The following MSRA variants were observed in gnomAD, a reference collection of about 807,000 sequenced individuals.
MSRA encodes the protein methionine sulfoxide reductase A, also known as mitochondrial peptide methionine sulfoxide reductase.
MSRA carries 54 observed loss-of-function variants against 31.3 expected under a neutral mutation model. The observed-to-expected ratio is 1.73, with a 90% CI of 1.39 to 2.17. The LOEUF (loss-of-function observed/expected upper bound fraction) is 2.17, where lower values mean the gene tolerates loss of function less well. Among genes scored for constraint, MSRA ranks in the 30% most tolerant of loss-of-function variants. The probability of loss-of-function intolerance (pLI) is 0.00; values close to 1 mark genes in which losing one functional copy is unlikely to be tolerated. For missense variants in MSRA, 507 were observed against 300.9 expected (o/e 1.69, Z -5.07); for synonymous variants, 169 against 116.5 (o/e 1.45, Z -2.90).
At chr8:10,150,370 A>G (rs978368376) in intron 1 of MSRA, among the ~76,000 whole-genome samples, 1 of 152,176 alleles carries the variant, frequency 6.6e-6, no homozygotes, top group Non-Finnish European at 1.5e-5. Flanking sequence ...TTCGATGATA[A>G]TTACCATAGT....
intron 3 of MSRA, among the ~76,000 whole-genome samples, chr8:10,291,795 GA>G (rs1320009976): frequency 2.6e-5 from 4 of 151,746 alleles, no homozygotes; most frequent in South Asian, 2.1e-4. Context: ...ATTATTTAAT[GA>G]AAAAAAATTA....
At chr8:10,071,179 GTTTTA>G (rs1221831709) in intron 1 of MSRA, among the ~76,000 whole-genome samples, 1 of 152,194 alleles carries the variant, frequency 6.6e-6, no homozygotes, top group Non-Finnish European at 1.5e-5. Context: ...TAGTGTCACT[GTTTTA>G]TTTTAGCCAT....
At chr8:10,298,896 T>C (rs535328634) in intron 3 of MSRA, among the ~76,000 whole-genome samples, 4 of 152,328 alleles carry the variant, frequency 2.6e-5, no homozygotes, top group African/African-American at 9.6e-5. Context: ...GTTGAAGTTA[T>C]ACCTTTGAGA....
At chr8:10,197,655 T>A (rs996972297) in intron 1 of MSRA, among the ~76,000 whole-genome samples, 1 of 152,126 alleles carries the variant, frequency 6.6e-6, no homozygotes, top group Non-Finnish European at 1.5e-5. Flanking sequence ...GGGGCAGATA[T>A]GGGTTCCCAG....
intron 3 of MSRA, among the ~76,000 whole-genome samples, chr8:10,297,447 A>G (rs750819823): frequency 5.3e-5 from 8 of 152,208 alleles, no homozygotes; most frequent in Admixed American, 6.5e-5. Context: ...TTATGTGAAG[A>G]CACGGCTTGA....
intron 3 of MSRA, among the ~76,000 whole-genome samples, chr8:10,261,393 A>T (rs1295886651): frequency 6.6e-6 from 1 of 151,332 alleles, no homozygotes; most frequent in African/African-American, 2.4e-5. Context: ...GTTACTTAAA[A>T]AAAAAAAAAA....
At chr8:10,285,650 C>T (rs1039266259) in intron 3 of MSRA, among the ~76,000 whole-genome samples, 1 of 151,828 alleles carries the variant, frequency 6.6e-6, no homozygotes, top group Admixed American at 6.6e-5. Flanking sequence ...ATCCCCTTCC[C>T]CCCACTCCTT....
At chr8:10,220,546 A>AT (rs1810398134) in intron 2 of MSRA, among the ~76,000 whole-genome samples, 2 of 152,090 alleles carry the variant, frequency 1.3e-5, no homozygotes, top group Non-Finnish European at 2.9e-5. Flanking sequence ...ATTTTATTTT[A>AT]TTTTTTTGCC....
Position 10,153,173 on chromosome 8 carries a change from A to C in MSRA, c.143-54660A>C, listed in dbSNP as rs1229603133. Reference sequence around the variant, plus strand: ...TTTAATATGAGGTGTCTTTCACCACAATTACAAAAGTGGAATGAGTGAAGC... The same window carrying C: ...TTTAATATGAGGTGTCTTTCACCACCATTACAAAAGTGGAATGAGTGAAGC... On this transcript the variant is annotated intron_variant, in intron 1 of 5. Transcript: ENST00000317173. 3.3e-5 allele frequency among the ~76,000 whole-genome samples: 5 copies of C among 152,228 alleles called. No individual in the cohort carries two copies. In the East Asian group the frequency reaches 9.6e-4, roughly 29 times the overall value.
intron 5 of MSRA, among the ~76,000 whole-genome samples, chr8:10,382,345 T>A (rs954511910): frequency 4.6e-5 from 7 of 152,174 alleles, no homozygotes; most frequent in Non-Finnish European, 7.4e-5. Context: ...GGAAAACCCC[T>A]AGCCATGATC....
At chr8:10,167,923 G>T (rs1038126753) in intron 1 of MSRA, among the ~76,000 whole-genome samples, 2 of 152,164 alleles carry the variant, frequency 1.3e-5, no homozygotes, top group Non-Finnish European at 2.9e-5. Flanking sequence ...TAAGAAAATG[G>T]ACCGCGGAAG....
chr8:10,373,609 T>C (rs1243739702), intron 5 of MSRA, among the ~76,000 whole-genome samples: 1 of 152,162 alleles, frequency 6.6e-6, no homozygotes, highest in Non-Finnish European at 1.5e-5. Context: ...GGGCAGGAAC[T>C]GGGCCTGGAA....
At chr8:10,136,205 C>T (rs928695259) in intron 1 of MSRA, among the ~76,000 whole-genome samples, 1 of 152,226 alleles carries the variant, frequency 6.6e-6, no homozygotes, top group African/African-American at 2.4e-5. Context: ...GAGAGGAGCT[C>T]TGCGGTGCAG....
At chr8:10,366,211 C>T (rs931301310) in intron 5 of MSRA, among the ~76,000 whole-genome samples, 1 of 152,196 alleles carries the variant, frequency 6.6e-6, no homozygotes, top group African/African-American at 2.4e-5. Context: ...CTTCATGTTT[C>T]GTTTAGGGAA....
intron 2 of MSRA, among the ~76,000 whole-genome samples, chr8:10,227,127 T>C (rs1416493382): frequency 6.6e-6 from 1 of 152,160 alleles, no homozygotes; most frequent in Non-Finnish European, 1.5e-5. Flanking sequence ...GGAGAGCAGA[T>C]AGTGAGTAGA....
chr8:10,210,197 C>G (rs765798000), intron 2 of MSRA, among the ~76,000 whole-genome samples: 1 of 152,134 alleles, frequency 6.6e-6, no homozygotes, highest in African/African-American at 2.4e-5. Context: ...CAGCCTCTTG[C>G]AAAGCTGATG....
At chr8:10,169,287 C>T (rs1338295973) in intron 1 of MSRA, among the ~76,000 whole-genome samples, 3 of 152,162 alleles carry the variant, frequency 2.0e-5, no homozygotes. Flanking sequence ...TGCATTTCTT[C>T]ATGAAGAAAG....
chr8:10,340,699 A>T (rs965672131), intron 5 of MSRA, among the ~76,000 whole-genome samples: 2 of 152,236 alleles, frequency 1.3e-5, no homozygotes, highest in Non-Finnish European at 2.9e-5. Flanking sequence ...TACCCACTTT[A>T]TAAAGTGGCG....
intron 3 of MSRA, among the ~76,000 whole-genome samples, chr8:10,295,704 C>G (rs1370190037): frequency 1.3e-5 from 2 of 152,190 alleles, no homozygotes; most frequent in African/African-American, 4.8e-5. Flanking sequence ...AGCCTGTGGT[C>G]ACTTGGCACC....
Sources: allele counts gnomAD v4.1 joint callset (sites outside exome capture counted in the v4.1 genomes callset), GRCh38; gene constraint gnomAD v4.1.1; transcripts MANE v1.5; gene names NCBI Gene and HGNC (gene_info 2026-07-23, HGNC 2026-07-21).